Variants in NLRP9 observed in about 807,000 individuals in gnomAD.
NLRP9 encodes NLR family pyrin domain containing 9, also known as NACHT, LRR and PYD domains-containing protein 9.
NLRP9 carries 88 observed loss-of-function variants against 83.1 expected under a neutral mutation model. The ratio of observed to expected loss-of-function variants is 1.06; its 90% confidence interval spans 0.89 to 1.26. The LOEUF is 1.26. Among genes scored for constraint, NLRP9 ranks in the 50% most tolerant of loss-of-function variants. The probability of loss-of-function intolerance (pLI) is 0.00; values close to 1 mark genes in which losing one functional copy is unlikely to be tolerated. For missense variants in NLRP9, 1,308 were observed against 1,179.3 expected, an observed-to-expected ratio of 1.11 and a Z score of -1.60; for synonymous variants, 521 against 447.6, an observed-to-expected ratio of 1.16 and a Z score of -2.07.
intron 2 of NLRP9, among the ~76,000 whole-genome samples, 185 bp downstream of exon 2, chr19:55,731,814 T>C (rs1212437742): frequency 6.6e-6 from 1 of 151,602 alleles, no homozygotes; most frequent in African/African-American, 2.4e-5. Flanking sequence ...CTTTATACAA[T>C]GGAAAAAGTT....
At chr19:55,715,412 C>G (rs1424485526) in intron 5 of NLRP9, among the ~76,000 whole-genome samples, 187 bp from the exon 6 acceptor site, 1 of 152,080 alleles carries the variant, frequency 6.6e-6, no homozygotes, top group Non-Finnish European at 1.5e-5. Context: ...GAGCTGGGTG[C>G]GGTGCCTCAC....
Position 55,733,379 on chromosome 19 carries a change from T to TCCA in NLRP9, c.449_451dup (p.Leu150_Glu151insVal), listed in dbSNP as rs1478385072. Reference sequence around the variant, plus strand: ...TGTTTTTCCAATTCCATCAGGACCTTCCAGGACCACAGTGTGTCGTCTAGC... The same window carrying TCCA: ...TGTTTTTCCAATTCCATCAGGACCTTCCACCAGGACCACAGTGTGTCGTCTAGC... On this transcript the variant is annotated inframe_insertion, in exon 2 of 9. Coordinates refer to ENST00000332836, the MANE Select transcript of NLRP9 (RefSeq NM_176820.4). 6.2e-7 allele frequency: 1 copy of TCCA among 1,614,064 alleles called. No individual in the cohort carries two copies. The highest frequency in any genetic ancestry group is 1.3e-5 in the African/African-American group (1 of 74,918).
intron 4 of NLRP9, among the ~76,000 whole-genome samples, chr19:55,718,363 T>C (rs1988100324): frequency 6.6e-6 from 1 of 152,108 alleles, no homozygotes; most frequent in South Asian, 2.1e-4. Context: ...CTCTTTGCAG[T>C]TGAGATAAGA....
At chr19:55,714,761 C>T (rs544790324) in intron 6 of NLRP9, among the ~76,000 whole-genome samples, 1 of 152,194 alleles carries the variant, frequency 6.6e-6, no homozygotes, top group African/African-American at 2.4e-5. Flanking sequence ...CTGGCGAGGG[C>T]CACGTTCTGC....
chr19:55,720,257 T>A (rs1002065479), intron 4 of NLRP9, among the ~76,000 whole-genome samples: 1 of 152,200 alleles, frequency 6.6e-6, no homozygotes, highest in Non-Finnish European at 1.5e-5. Context: ...GCCCCACTTG[T>A]GCATGGTACA....
rs373037082 is a variant in NLRP9 at position 55,711,918 on chromosome 19, G to C, written c.2725C>G (p.Leu909Val). The change falls in exon 8 of 9, where the codon CTC (leucine) becomes GTC (valine). Residue 909 changes from leucine (L) to valine (V), a missense_variant. Transcript: ENST00000332836. ...RACCDDIAAA[L>V]IACKTLRSLN... is the part of the protein sequence containing the mutation. ...CTCCTCAGTGTTTTGCAGGCGATGA[G>C]TGCTGCGGCGATGTCGTCGCAGCAG... The C allele has an allele frequency of 1.1e-5, 18 of 1,613,110 alleles. No individual in the cohort carries two copies. The African/African-American group carries it at 2.3e-4, about 20-fold the overall frequency.
intron 4 of NLRP9, among the ~76,000 whole-genome samples, chr19:55,722,035 C>T (rs1321622150): frequency 6.6e-6 from 1 of 152,140 alleles, no homozygotes; most frequent in Non-Finnish European, 1.5e-5. Flanking sequence ...CAGCAGCACC[C>T]TCCCCACTCA....
chr19:55,715,293 A>C, intron 5 of NLRP9, 68 bp from the exon 6 acceptor site: 1 of 1,355,104 alleles, frequency 7.4e-7, no homozygotes. Context: ...GAAACACACC[A>C]TCTCCCAGCC....
At chr19:55,735,376 C>A (rs1988757759) in intron 1 of NLRP9, among the ~76,000 whole-genome samples, 1 of 152,002 alleles carries the variant, frequency 6.6e-6, no homozygotes, top group Admixed American at 6.6e-5. Flanking sequence ...GCACTTGAGG[C>A]CAGGAGTTCA....
chr19:55,727,662 A>G (rs1208658098), intron 3 of NLRP9, among the ~76,000 whole-genome samples: 1 of 152,178 alleles, frequency 6.6e-6, no homozygotes, highest in East Asian at 1.9e-4. Context: ...TGGGATCTTT[A>G]GAAATTCTTT....
chr19:55,721,208 C>G (rs1988214101), intron 4 of NLRP9, among the ~76,000 whole-genome samples: 1 of 152,082 alleles, frequency 6.6e-6, no homozygotes, highest in South Asian at 2.1e-4. Context: ...AAGATGTTAC[C>G]TTTGGTGGAA....
chr19:55,733,983 C>A (rs961762455), intron 1 of NLRP9, among the ~76,000 whole-genome samples: 1 of 136,340 alleles, frequency 7.3e-6, no homozygotes, highest in Non-Finnish European at 1.5e-5. Flanking sequence ...AGTGCAGTGG[C>A]GGGATCTCGG....
rs188797110 is a variant in NLRP9 at position 55,716,880 on chromosome 19, G to T, written c.2178C>A (p.Ile726=). 2 of 1,613,704 alleles carry T rather than the reference G, an allele frequency of 1.2e-6. No homozygotes were observed. The highest frequency in any genetic ancestry group is 2.2e-5 in the South Asian group (2 of 91,082). ...CGATGTCTTCACAAACTTCACTGGA[G>T]ATGTCACACTTTCCCAGTCTACATG... The part of the protein sequence containing the change: ...IEELILGKCD[I]SSEVCEDIAS... The change falls in exon 5 of 9, where the codon ATC becomes ATA. Residue 726 remains isoleucine, a synonymous_variant. Transcript: ENST00000332836.
In NLRP9 at chr19:55,715,190, T is replaced by C. The variant is rs1199124667; in HGVS notation, c.2366A>G (p.Asp789Gly). The change falls in exon 6 of 9, where the codon GAC (aspartate) becomes GGC (glycine). Residue 789 changes from aspartate (D) to glycine (G), a missense_variant. Asp to Gly is a moderately conservative substitution (Grantham distance 94). Coordinates refer to ENST00000332836, the MANE Select transcript of NLRP9 (RefSeq NM_176820.4). ...MYCCLTSVSC[D>G]SISEVLLCSK... The stretch of plus-strand genomic sequence containing the variant: ...GCACAAGAGGACTTCGGAAATGGAG[T>C]CACAGGAGACAGAGGTGAGACAGCA... The C allele has an allele frequency of 6.2e-7, 1 of 1,612,878 alleles. No individual in the cohort carries two copies. Among genetic ancestry groups the C allele is most frequent in the South Asian group, 1.1e-5 (1 of 91,024 alleles).
At chr19:55,736,700 G>A (rs879872283) in intron 1 of NLRP9, among the ~76,000 whole-genome samples, 2 of 151,996 alleles carry the variant, frequency 1.3e-5, no homozygotes, top group Non-Finnish European at 2.9e-5. Flanking sequence ...TGGGCGTGGT[G>A]GTGCATGCCT....
At chr19:55,710,884 G>A (rs943251130) in intron 8 of NLRP9, among the ~76,000 whole-genome samples, 3 of 152,056 alleles carry the variant, frequency 2.0e-5, no homozygotes, top group Non-Finnish European at 4.4e-5. Context: ...TCAGGAGTTC[G>A]AGACTAGCCT....
At position 55,729,993 on chromosome 19, in the gene NLRP9, C is replaced by T; in HGVS notation, c.1833-1G>A. The T allele has an allele frequency of 1.2e-6, 2 of 1,610,386 alleles. No individual in the cohort carries two copies. The highest frequency in any genetic ancestry group is 1.7e-6 in the Non-Finnish European group (2 of 1,178,440). ...CCAGTAGACGAGCTTCTCATTGTAA[C>T]TATGAGAGAACAAAGATTGTGATTC... On this transcript the variant is annotated splice_acceptor_variant, in intron 2 of 8. Coordinates refer to ENST00000332836, the MANE Select transcript of NLRP9 (RefSeq NM_176820.4). LOFTEE classifies it high-confidence loss of function.
At chr19:55,734,727 T>C (rs536464094) in intron 1 of NLRP9, among the ~76,000 whole-genome samples, 93 of 151,416 alleles carry the variant, frequency 6.1e-4, no homozygotes, top group African/African-American at 2.2e-3. Context: ...CTCCGCCTCC[T>C]GGGTTCAAGC....
intron 2 of NLRP9, among the ~76,000 whole-genome samples, chr19:55,731,632 G>T (rs994675628): frequency 7.3e-5 from 11 of 151,698 alleles, no homozygotes; most frequent in African/African-American, 2.4e-4. Context: ...GCTGAGGCAG[G>T]AGAGTCGCTT....
Sources: gnomAD v4.1 joint callset for allele counts (sites outside exome capture counted in the v4.1 genomes callset) on GRCh38, gnomAD v4.1.1 for gene constraint, MANE v1.5 for transcripts, NCBI Gene and HGNC (gene_info 2026-07-23, HGNC 2026-07-21) for gene names.